SYNC: variants seen among roughly 807,000 people sequenced by gnomAD.
SYNC encodes the protein syncoilin.
SYNC carries 38 observed loss-of-function variants against 49.5 expected under a neutral mutation model. The observed-to-expected ratio is 0.77, with a 90% confidence interval of 0.59 to 1.01. The LOEUF (loss-of-function observed/expected upper bound fraction) is 1.01, where lower values mean the gene tolerates loss of function less well. Among genes scored for constraint, SYNC ranks in the 50% least tolerant of loss-of-function variants. The probability of loss-of-function intolerance (pLI) is 0.00; values close to 1 mark genes in which losing one functional copy is unlikely to be tolerated. For synonymous variants in SYNC, 201 were observed against 230.8 expected, an observed-to-expected ratio of 0.87 and a Z score of 1.17; for missense variants, 579 against 580.6, an observed-to-expected ratio of 1.00 and a Z score of 0.03.
chr1:32,691,133 G>A (rs1456509068), intron 2 of SYNC, among the ~76,000 whole-genome samples: 1 of 151,834 alleles, frequency 6.6e-6, no homozygotes, highest in Non-Finnish European at 1.5e-5. Flanking sequence ...CAGGAAAATC[G>A]CTTGAACCCA....
chr1:32,691,113 G>A (rs1196161314), intron 2 of SYNC, among the ~76,000 whole-genome samples: 1 of 152,114 alleles, frequency 6.6e-6, no homozygotes, highest in African/African-American at 2.4e-5. Context: ...AGCTACTCGG[G>A]AGGCTGAGGC....
intron 4 of SYNC, chr1:32,682,488 G>A (rs1387536007): frequency 6.6e-6 from 1 of 151,930 alleles, no homozygotes; most frequent in East Asian, 1.9e-4. Context: ...ATAGTTACTT[G>A]TGGGCCAGGC....
At chr1:32,697,462 G>C (rs1290968597) in intron 1 of SYNC, among the ~76,000 whole-genome samples, 1 of 150,486 alleles carries the variant, frequency 6.6e-6, no homozygotes, top group Non-Finnish European at 1.5e-5. Context: ...AGATAACCGT[G>C]GTCAAGTGCG....
At chr1:32,692,028 G>GAGACCAT (rs1650190698) in intron 2 of SYNC, among the ~76,000 whole-genome samples, 1 of 152,066 alleles carries the variant, frequency 6.6e-6, no homozygotes, top group Non-Finnish European at 1.5e-5. Context: ...ATCAGGAGAT[G>GAGACCAT]GAGACCATCC....
intron 2 of SYNC, 67 bp from the exon 3 acceptor site, chr1:32,684,449 C>G (rs1213784828): frequency 1.2e-6 from 2 of 1,603,970 alleles, no homozygotes; most frequent in African/African-American, 2.7e-5. Context: ...TCCACTCTTA[C>G]TTATAAAACA....
chr1:32,698,988 CA>C (rs1570928496), intron 1 of SYNC, among the ~76,000 whole-genome samples: 1 of 151,778 alleles, frequency 6.6e-6, no homozygotes, highest in East Asian at 1.9e-4. Flanking sequence ...CTATGTTGCT[CA>C]GGCTGGTCTC....
rs767063231 is a variant in SYNC at position 32,695,617 on chromosome 1, G to T, written c.481C>A (p.Pro161Thr). 8.4e-6 allele frequency: 13 copies of T among 1,551,300 alleles called. 1 individual carries two copies. The South Asian group carries it at 1.3e-4, about 16-fold the overall frequency. The stretch of plus-strand genomic sequence containing the variant: ...ATGCTCAGGTTCTCCTCCATGCTGG[G>T]GCTCTGCTCGGCTCTGAGGCTCTCC... ...PEESLRAEQS[P>T]SMEENLSIED... Residue 161 changes from proline to threonine, a missense_variant, in exon 2 of 5, where the codon CCC becomes ACC. Transcript: ENST00000409190.
At chr1:32,689,176 T>A (rs1650036846) in intron 2 of SYNC, among the ~76,000 whole-genome samples, 1 of 141,404 alleles carries the variant, frequency 7.1e-6, no homozygotes, top group Non-Finnish European at 1.5e-5. Context: ...TTTGACGTGA[T>A]CCGCCCGCCT....
intron 2 of SYNC, among the ~76,000 whole-genome samples, chr1:32,689,214 G>T (rs1300580904): frequency 1.6e-5 from 2 of 125,878 alleles, no homozygotes. Flanking sequence ...GGGATTACAG[G>T]CGTGAGGCAC....
chr1:32,681,844 A>G lies in SYNC; in HGVS notation c.*6T>C, dbSNP rs770672663. The G allele has an allele frequency of 4.3e-6, 7 of 1,614,038 alleles. No homozygotes were observed. Among genetic ancestry groups the G allele is most frequent in the East Asian group, 4.5e-5 (2 of 44,898 alleles). On this transcript the variant is annotated 3_prime_UTR_variant, in exon 5 of 5. Transcript: ENST00000409190. ...GTTTCCGGGTTACAGATTTGGCCAT[A>G]TATTTCTAAACAGCCCCTGTAAAGT...
chr1:32,681,612 G>A lies in SYNC; in HGVS notation c.*238C>T. ...ATCTTTCCTTTCCTTGGTGCATTGA[G>A]ATCAGTATCAACAGCAGATGAAATA... On this transcript the variant is annotated 3_prime_UTR_variant, in exon 5 of 5. Coordinates refer to ENST00000409190, the MANE Select transcript of SYNC (RefSeq NM_030786.3). 1 of 612,412 alleles carries A rather than the reference G, an allele frequency of 1.6e-6. No homozygotes were observed. Among genetic ancestry groups the A allele is most frequent in the East Asian group, 2.8e-5 (1 of 35,690 alleles). The allele number at this position is 612,412 out of a possible 1,614,324, so 37.9% of individuals were successfully genotyped here. A position where few individuals can be genotyped will look rare whatever the true frequency, so the allele number is the denominator to read the frequency against.
intron 2 of SYNC, among the ~76,000 whole-genome samples, chr1:32,690,456 C>G (rs1165910376): frequency 1.3e-5 from 2 of 150,396 alleles, no homozygotes; most frequent in African/African-American, 4.9e-5. Flanking sequence ...ACCAACCTGG[C>G]CAAGATGGTG....
In SYNC at chr1:32,680,275, T is replaced by G; in HGVS notation, c.*1575A>C. The G allele has an allele frequency of 1.6e-6, 2 of 1,242,766 alleles. No individual in the cohort carries two copies. Among genetic ancestry groups the G allele is most frequent in the South Asian group, 5.6e-5 (2 of 35,720 alleles). The allele number at this position is 1,242,766 out of a possible 1,614,324, so 77.0% of individuals were successfully genotyped here. ...CTCTTTCCCCATATATTCATATATT[T>G]TTGCTCGTTAGTGTATTTCTTGAGC... is the stretch of plus-strand genomic sequence containing the variant. On this transcript the variant is annotated 3_prime_UTR_variant, in exon 5 of 5. Transcript: ENST00000409190.
chr1:32,681,083 C>A lies in SYNC; in HGVS notation c.*767G>T, dbSNP rs1180651695. 5 of 152,770 alleles carry A rather than the reference C, an allele frequency of 3.3e-5. No individual in the cohort carries two copies. Among genetic ancestry groups the A allele is most frequent in the African/African-American group, 1.2e-4 (5 of 41,456 alleles). The allele number at this position is 152,770 out of a possible 1,614,324, so 9.5% of individuals were successfully genotyped here. A position where few individuals can be genotyped will look rare whatever the true frequency, so the allele number is the denominator to read the frequency against. On this transcript the variant is annotated 3_prime_UTR_variant, in exon 5 of 5. Transcript: ENST00000409190. ...TAATAGGCTTTGAAGGCCTCTATCACCAGATGCAATAACCAGATAAAATTC... is the reference window on the plus strand; with the variant it reads ...TAATAGGCTTTGAAGGCCTCTATCAACAGATGCAATAACCAGATAAAATTC...
chr1:32,694,952 G>A lies in SYNC; in HGVS notation c.1146C>T (p.Ala382=). Residue 382 remains alanine, a synonymous_variant, in exon 2 of 5, where the codon GCC becomes GCT. Coordinates refer to ENST00000409190, the MANE Select transcript of SYNC (RefSeq NM_030786.3). The part of the protein sequence containing the change: ...KEALRPLQAE[A]RQLRLQNRNL... ...TCCTGTTTTGCAGGCGGAGCTGCCG[G>A]GCCTCTGCTTGCAGGGGTCTCAGAG... 1 of 1,613,922 alleles carries A rather than the reference G, an allele frequency of 6.2e-7. No homozygotes were observed. The highest frequency in any genetic ancestry group is 8.5e-7 in the Non-Finnish European group (1 of 1,180,010).
Position 32,695,124 on chromosome 1 carries a change from G to A in SYNC, c.974C>T (p.Ser325Phe), listed in dbSNP as rs773210278. ...GHFLQESRRLSAQFENLMAES... is the reference protein window; with the variant it reads ...GHFLQESRRLFAQFENLMAES... ...TGCCATGAGATTTTCAAACTGGGCA[G>A]AGAGTCGCCGGCTTTCCTGGAGAAA... Residue 325 changes from serine to phenylalanine, a missense_variant, in exon 2 of 5, where the codon TCT (serine) becomes TTT (phenylalanine). Transcript: ENST00000409190. The A allele has an allele frequency of 1.9e-6, 3 of 1,611,510 alleles. No homozygotes were observed. The Admixed American group carries it at 5.0e-5, about 27-fold the overall frequency.
At chr1:32,688,696 G>T (rs1650011328) in intron 2 of SYNC, among the ~76,000 whole-genome samples, 1 of 151,512 alleles carries the variant, frequency 6.6e-6, no homozygotes, top group Non-Finnish European at 1.5e-5. Context: ...AGGCAATTCT[G>T]CCTCAGCCCC....
chr1:32,681,689 T>C lies in SYNC; in HGVS notation c.*161A>G. The C allele has an allele frequency of 4.5e-6, 5 of 1,099,452 alleles. No individual in the cohort carries two copies. Among genetic ancestry groups the C allele is most frequent in the South Asian group, 2.8e-5 (2 of 72,524 alleles). 68.1% of individuals were successfully genotyped at this position (1,099,452 alleles called of 1,614,324 possible). A position where few individuals can be genotyped will look rare whatever the true frequency, so the allele number is the denominator to read the frequency against. ...TGCCTCCGGCCAACTCTAGAATCTT[T>C]TTAAGCAGGTCAGCCAGTATTTGCA... On this transcript the variant is annotated 3_prime_UTR_variant, in exon 5 of 5. Transcript: ENST00000409190.
chr1:32,680,429 C>T lies in SYNC; in HGVS notation c.*1421G>A. Reference sequence around the variant, plus strand: ...GTATGTTTTTACCTGACAGTTATACCACAGGTAGACTGTCAAGTTGAGAAG... The same window carrying T: ...GTATGTTTTTACCTGACAGTTATACTACAGGTAGACTGTCAAGTTGAGAAG... On this transcript the variant is annotated 3_prime_UTR_variant, in exon 5 of 5. Transcript: ENST00000409190. The T allele has an allele frequency of 7.3e-7, 1 of 1,362,260 alleles. No homozygotes were observed. Among genetic ancestry groups the T allele is most frequent in the Non-Finnish European group, 9.6e-7 (1 of 1,045,110 alleles). The allele number at this position is 1,362,260 out of a possible 1,614,324, so 84.4% of individuals were successfully genotyped here.
Sources: allele counts gnomAD v4.1 joint callset (sites outside exome capture counted in the v4.1 genomes callset), GRCh38; gene constraint gnomAD v4.1.1; transcripts MANE v1.5; gene names NCBI Gene and HGNC (gene_info 2026-07-23, HGNC 2026-07-21).